The following SLC2A5 variants were observed in gnomAD, a reference collection of about 807,000 sequenced individuals.
SLC2A5 encodes solute carrier family 2 member 5.
In SLC2A5, 56 loss-of-function variants were observed where a neutral mutation model predicts 50.3. The ratio of observed to expected loss-of-function variants is 1.11; its 90% CI spans 0.90 to 1.39. The LOEUF (loss-of-function observed/expected upper bound fraction) is 1.39. Ranked by LOEUF, SLC2A5 falls within the 40% of genes most tolerant of loss-of-function variation. The pLI, the probability that SLC2A5 is intolerant of heterozygous loss-of-function variation, is 0.00. For synonymous variants in SLC2A5, 269 were observed against 281.9 expected (o/e 0.95, Z 0.46); for missense variants, 566 against 650.1 (o/e 0.87, Z 1.41).
Position 9,040,183 on chromosome 1 carries a change from G to T in SLC2A5, c.578C>A (p.Pro193Gln). The T allele has an allele frequency of 6.5e-7, 1 of 1,549,344 alleles. No individual in the cohort carries two copies. Among genetic ancestry groups the T allele is most frequent in the Non-Finnish European group, 8.7e-7 (1 of 1,147,782 alleles). ...GACCCCGGTCAGCCCCAGCAGGATC[G>T]GCCAGCCTGGGAGGAAGGCAGCGAG... ...RNLLANVDGW[P>Q]ILLGLTGVPA... The change falls in exon 6 of 12, where the codon CCG becomes CAG. Residue 193 changes from proline to glutamine, a missense_variant. Coordinates refer to ENST00000377424, the MANE Select transcript of SLC2A5 (RefSeq NM_003039.3). The surrounding 1 kb of genome is among the most constrained non-coding windows in gnomAD (Gnocchi z 4.3).
intron 1 of SLC2A5, among the ~76,000 whole-genome samples, chr1:9,066,904 G>A (rs1353850596): frequency 4.0e-5 from 6 of 151,644 alleles, no homozygotes; most frequent in Admixed American, 1.3e-4. Flanking sequence ...CTGGAGCCCC[G>A]GACTTCAAGG....
chr1:9,084,538 A>G (rs1642385263), intron 2 of SLC2A5, among the ~76,000 whole-genome samples: 1 of 152,228 alleles, frequency 6.6e-6, no homozygotes, highest in African/African-American at 2.4e-5. Context: ...CATCAGAAAC[A>G]TTACACAAAT....
Position 9,041,820 on chromosome 1 carries a change from A to G in SLC2A5, c.536T>C (p.Ile179Thr). The G allele has an allele frequency of 1.2e-5, 20 of 1,614,078 alleles. No individual in the cohort carries two copies. The highest frequency in any genetic ancestry group is 1.7e-5 in the Non-Finnish European group (20 of 1,180,006). The stretch of plus-strand genomic sequence containing the variant: ...TGCAAGGAGATTCCGAAGACCAAAG[A>G]TCTGGGCCACAAGGATGCCAACAGT... Reference protein sequence around the residue: ...FITVGILVAQIFGLRNLLANV... With the variant: ...FITVGILVAQTFGLRNLLANV... The change falls in exon 5 of 12, where the codon ATC becomes ACC. Residue 179 changes from isoleucine to threonine, a missense_variant. Physicochemically the swap from Ile to Thr is moderately conservative, Grantham distance 89 (BLOSUM62 -1). Coordinates refer to ENST00000377424, the MANE Select transcript of SLC2A5 (RefSeq NM_003039.3).
upstream of SLC2A5, among the ~76,000 whole-genome samples, chr1:9,073,986 G>T (rs575323651): frequency 1.3e-5 from 2 of 152,136 alleles, no homozygotes; most frequent in African/African-American, 4.8e-5. Flanking sequence ...AGGCTAAGGC[G>T]GGAGAATCGC....
At chr1:9,072,961 T>C (rs2124466046), upstream of SLC2A5, 1 of 149,458 alleles carries the variant, frequency 6.7e-6, no homozygotes, top group South Asian at 2.1e-4. Flanking sequence ...GACTCTTGTC[T>C]CCAAAAAAAA....
At chr1:9,088,374 G>T (rs1397851427) in exon 1 of SLC2A5, 1 of 152,110 alleles carries the variant, frequency 6.6e-6, no homozygotes, top group African/African-American at 2.4e-5. Context: ...CCTATTACCT[G>T]TTTGAAAACT....
intron 1 of SLC2A5, among the ~76,000 whole-genome samples, chr1:9,064,758 G>C (rs1046594009): frequency 1.3e-5 from 2 of 151,996 alleles, no homozygotes; most frequent in Admixed American, 1.3e-4. Flanking sequence ...ATACTCTACA[G>C]TCAACAATGT....
chr1:9,085,785 C>T (rs905772011), intron 1 of SLC2A5, among the ~76,000 whole-genome samples: 4 of 152,158 alleles, frequency 2.6e-5, no homozygotes, highest in African/African-American at 4.8e-5. Flanking sequence ...TGCTCCCCTC[C>T]AGGCCAAGAC....
At chr1:9,063,162 AGT>A (rs1641989058) in intron 1 of SLC2A5, among the ~76,000 whole-genome samples, 1 of 152,194 alleles carries the variant, frequency 6.6e-6, no homozygotes, top group African/African-American at 2.4e-5. Context: ...GAGATCATGC[AGT>A]GTTTGTCTTC....
At chr1:9,038,973 A>T in intron 8 of SLC2A5, 44 bp from the exon 9 acceptor site, 1 of 1,586,332 alleles carries the variant, frequency 6.3e-7, no homozygotes, top group East Asian at 2.3e-5. Flanking sequence ...GCCCAGCTTC[A>T]CCTCCCTCCA....
chr1:9,043,450 C>T (rs1231242377), intron 4 of SLC2A5, among the ~76,000 whole-genome samples: 4 of 152,112 alleles, frequency 2.6e-5, no homozygotes, highest in African/African-American at 4.8e-5. Flanking sequence ...GAGGGAGCAA[C>T]ACCTCACAGG....
chr1:9,050,859 A>T (rs1641555440), intron 3 of SLC2A5, among the ~76,000 whole-genome samples: 1 of 152,244 alleles, frequency 6.6e-6, no homozygotes. Flanking sequence ...TATATGCATT[A>T]CATAAAAGTA....
chr1:9,076,786 GTT>G (rs1158026090), intron 2 of SLC2A5, among the ~76,000 whole-genome samples: 1 of 150,414 alleles, frequency 6.6e-6, no homozygotes, highest in African/African-American at 2.5e-5. Context: ...CAAGTGTGGT[GTT>G]TTTTTTGTTT....
intron 2 of SLC2A5, among the ~76,000 whole-genome samples, chr1:9,077,282 C>A (rs1642294122): frequency 6.6e-6 from 1 of 151,272 alleles, no homozygotes; most frequent in Non-Finnish European, 1.5e-5. Flanking sequence ...GCCTGTAGTC[C>A]CAGCCACTTG....
At chr1:9,086,002 G>A (rs892655285) in intron 1 of SLC2A5, among the ~76,000 whole-genome samples, 1 of 152,172 alleles carries the variant, frequency 6.6e-6, no homozygotes, top group Non-Finnish European at 1.5e-5. Flanking sequence ...ACAAGAATAA[G>A]TCTTCCCTCC....
At chr1:9,082,242 T>A (rs1052358149) in intron 2 of SLC2A5, among the ~76,000 whole-genome samples, 2 of 152,190 alleles carry the variant, frequency 1.3e-5, no homozygotes, top group African/African-American at 2.4e-5. Flanking sequence ...CTAGCAATTC[T>A]ACTCCTGGAT....
At position 9,053,835 on chromosome 1, in the gene SLC2A5, T is replaced by C. The variant is rs190001885; in HGVS notation, c.293+3613A>G. On this transcript the variant is annotated intron_variant, in intron 3 of 11. Coordinates refer to ENST00000377424, the MANE Select transcript of SLC2A5 (RefSeq NM_003039.3). ...GTTGCAGTGAGCCAAGATTGCGCCATTGCACTCCAGCCTGGGTGACAGAGC... is the reference window on the plus strand; with the variant it reads ...GTTGCAGTGAGCCAAGATTGCGCCACTGCACTCCAGCCTGGGTGACAGAGC... 4.0e-5 allele frequency among the ~76,000 whole-genome samples: 6 copies of C among 149,930 alleles called. No individual in the cohort carries two copies. In the East Asian group the frequency reaches 7.8e-4, roughly 20 times the overall value.
chr1:9,070,833 C>T (rs567659741), upstream of SLC2A5, among the ~76,000 whole-genome samples: 1 of 151,302 alleles, frequency 6.6e-6, no homozygotes, highest in South Asian at 2.1e-4. Context: ...GCAGCGTGGC[C>T]GTCTGTGTGT....
chr1:9,037,908 G>T lies in SLC2A5; in HGVS notation c.1291C>A (p.Pro431Thr). ...LSNFTVGLIF[P>T]FIQEGLGPYS... ...CGGGCCCCACTCACCTGGATGAACG[G>T]GAAGATCAAGCCCACGGTGAAGTTG... Residue 431 changes from proline (P) to threonine (T), a missense_variant, in exon 11 of 12, where the codon CCG becomes ACG. By Grantham distance (38) the Pro-to-Thr change is conservative. Coordinates refer to ENST00000377424, the MANE Select transcript of SLC2A5 (RefSeq NM_003039.3). 1 of 1,613,868 alleles carries T rather than the reference G, an allele frequency of 6.2e-7. No homozygotes were observed. The highest frequency in any genetic ancestry group is 8.5e-7 in the Non-Finnish European group (1 of 1,180,000).
Sources: gnomAD v4.1 joint callset for allele counts (sites outside exome capture counted in the v4.1 genomes callset) on GRCh38, gnomAD v4.1.1 for gene constraint, Gnocchi (gnomAD v3.1) non-coding constraint, MANE v1.5 for transcripts, NCBI Gene and HGNC (gene_info 2026-07-23, HGNC 2026-07-21) for gene names.